PWWP2A: variants seen among roughly 807,000 people sequenced by gnomAD.
PWWP2A encodes the protein PWWP domain-containing protein 2A.
A neutral mutation model predicts 48.5 loss-of-function variants in PWWP2A; 18 were observed. The ratio of observed to expected loss-of-function variants is 0.37; its 90% confidence interval spans 0.26 to 0.55. The LOEUF (loss-of-function observed/expected upper bound fraction) is 0.55. Ranked by LOEUF, PWWP2A falls within the 20% of genes least tolerant of loss-of-function variation. The pLI is 0.81. For synonymous variants in PWWP2A, 396 were observed against 387.7 expected, an observed-to-expected ratio of 1.02 and a Z score of -0.25; for missense variants, 867 against 976.4, an observed-to-expected ratio of 0.89 and a Z score of 1.49.
At chr5:160,048,163 G>T in the PWWP2A span, among the ~76,000 whole-genome samples, 1 of 61,750 alleles carries the variant, frequency 1.6e-5, no homozygotes, top group African/African-American at 6.3e-5. Flanking sequence ...TTTTTTTTTT[G>T]GGACAGAGTA....
intron 1 of PWWP2A, chr5:160,117,928 G>C: frequency 2.1e-6 from 2 of 961,556 alleles, no homozygotes; most frequent in Non-Finnish European, 2.5e-6. Flanking sequence ...CTTCATATCT[G>C]CAAAAGAAGA....
At chr5:160,050,627 C>CT in the PWWP2A span, among the ~76,000 whole-genome samples, 10,159 of 109,362 alleles carry the variant, frequency 0.093, 566 homozygotes, top group Admixed American at 0.19. Context: ...CCAAACAAAA[C>CT]TTTTTTTTTT....
At chr5:160,061,446 T>C (rs1214580503), downstream of PWWP2A, among the ~76,000 whole-genome samples, 1 of 152,238 alleles carries the variant, frequency 6.6e-6, no homozygotes, top group Non-Finnish European at 1.5e-5. Context: ...TTTTGGTGTA[T>C]AGACCATGTC....
chr5:160,045,501 CACACACACACACAT>C, the PWWP2A span, among the ~76,000 whole-genome samples: 76 of 108,602 alleles, frequency 7.0e-4, no homozygotes, highest in Middle Eastern at 5.1e-3. Flanking sequence ...CACACACACA[CACACACACACACAT>C]ACACACTCTC....
exon 6 of PWWP2A, chr5:160,062,034 G>A (rs1022153702): frequency 6.6e-6 from 1 of 152,314 alleles, no homozygotes; most frequent in African/African-American, 2.4e-5. Flanking sequence ...AGCAGCAGGT[G>A]GGAAGGGTGG....
intron 2 of PWWP2A, among the ~76,000 whole-genome samples, chr5:160,069,705 A>G (rs778553421): frequency 4.6e-5 from 7 of 152,234 alleles, no homozygotes; most frequent in Non-Finnish European, 1.0e-4. Context: ...CTCTATAAAA[A>G]TAAATACATA....
chr5:160,118,483 C>T (rs59708178), intron 1 of PWWP2A, among the ~76,000 whole-genome samples: 6 of 140,476 alleles, frequency 4.3e-5, no homozygotes, highest in Middle Eastern at 3.6e-3. Context: ...CTTGCATTAA[C>T]CCACCCGCCC....
At position 160,093,061 on chromosome 5, in the gene PWWP2A, G is replaced by A. The variant is rs1755243021; in HGVS notation, c.1589C>T (p.Pro530Leu). 1 of 1,612,326 alleles carries A rather than the reference G, an allele frequency of 6.2e-7. No homozygotes were observed. Among genetic ancestry groups the A allele is most frequent in the African/African-American group, 1.3e-5 (1 of 74,878 alleles). ...CTGAACCTCACTGCTGGCCTCTTCA[G>A]GGCCTTTTGAGGGACTCTGATTTTC... is the stretch of plus-strand genomic sequence containing the variant. ...PSENQSPSKG[P>L]EEASSEVQDT... Residue 530 changes from proline (P) to leucine (L), a missense_variant, in exon 2 of 2, where the codon CCT becomes CTT. This residue lies in a region of PWWP2A where 382 missense variants were observed against 407.2 expected (regional missense o/e 0.94). Coordinates refer to ENST00000307063, the MANE Select transcript of PWWP2A (RefSeq NM_001130864.2). This position sits in a 1 kb window ranked among gnomAD's most constrained non-coding sequence, Gnocchi z 5.8.
the PWWP2A span, among the ~76,000 whole-genome samples, chr5:160,053,017 A>G: frequency 6.6e-6 from 1 of 152,188 alleles, no homozygotes; most frequent in Non-Finnish European, 1.5e-5. Flanking sequence ...ATACTGCTCT[A>G]GGTGTTACCC....
intron 1 of PWWP2A, among the ~76,000 whole-genome samples, chr5:160,099,682 T>A (rs1159584644): frequency 6.6e-6 from 1 of 151,166 alleles, no homozygotes; most frequent in Non-Finnish European, 1.5e-5. Flanking sequence ...AAAAAAATTT[T>A]TTTTTTTTTT....
Position 160,092,600 on chromosome 5 carries a change from C to T in PWWP2A, c.2050G>A (p.Gly684Ser), listed in dbSNP as rs1581196436. 1.3e-6 allele frequency: 2 copies of T among 1,551,618 alleles called. No homozygotes were observed. The highest frequency in any genetic ancestry group is 1.7e-6 in the Non-Finnish European group (2 of 1,146,970). Residue 684 changes from glycine to serine, a missense_variant, in exon 2 of 2, where the codon GGC becomes AGC. Coordinates refer to ENST00000307063, the MANE Select transcript of PWWP2A (RefSeq NM_001130864.2). ...CGGGCCTCCTGTCGGACTAAAAGGC[C>T]GTTATCTTTCCGGCTCACAGTTATA... is the stretch of plus-strand genomic sequence containing the variant. The part of the protein sequence containing the change: ...LTITVSRKDN[G>S]LLVRQEARIS...
chr5:160,096,811 G>A (rs1026875588), intron 1 of PWWP2A, among the ~76,000 whole-genome samples: 48 of 152,112 alleles, frequency 3.2e-4, no homozygotes, highest in Admixed American at 1.8e-3. Context: ...CTTTTATTAG[G>A]ACTAACTAAA....
intron 1 of PWWP2A, among the ~76,000 whole-genome samples, chr5:160,103,184 G>A (rs529483801): frequency 9.5e-4 from 145 of 152,268 alleles, no homozygotes; most frequent in African/African-American, 3.4e-3. Flanking sequence ...TCTAGAAAGA[G>A]TTTCCAAGAA....
At chr5:160,054,528 C>T in the PWWP2A span, among the ~76,000 whole-genome samples, 8 of 151,826 alleles carry the variant, frequency 5.3e-5, no homozygotes, top group Non-Finnish European at 5.9e-5. Context: ...GGTGGATTGC[C>T]TTAGTCCAGG....
intron 2 of PWWP2A, among the ~76,000 whole-genome samples, chr5:160,083,721 T>C (rs892180837): frequency 1.3e-5 from 2 of 152,196 alleles, no homozygotes; most frequent in Non-Finnish European, 2.9e-5. Flanking sequence ...CATTAGGACA[T>C]GTCTGAACCA....
chr5:160,110,739 T>C (rs1373259075), intron 1 of PWWP2A, among the ~76,000 whole-genome samples: 1 of 150,842 alleles, frequency 6.6e-6, no homozygotes, highest in Non-Finnish European at 1.5e-5. Context: ...AAAAATAAAG[T>C]TCAACAAAAA....
At chr5:160,115,458 G>A (rs1473755429) in intron 1 of PWWP2A, among the ~76,000 whole-genome samples, 3 of 151,904 alleles carry the variant, frequency 2.0e-5, no homozygotes, top group Non-Finnish European at 2.9e-5. Context: ...TTGAGACGCC[G>A]AGGTAGGCAG....
intron 1 of PWWP2A, chr5:160,105,840 C>T (rs1163124514): frequency 1.9e-5 from 3 of 159,006 alleles, no homozygotes; most frequent in Non-Finnish European, 4.0e-5. Flanking sequence ...AGTCTGAAAT[C>T]CTTTTCAAAT....
Position 160,093,231 on chromosome 5 carries a change from C to T in PWWP2A, c.1419G>A (p.Arg473=). The T allele has an allele frequency of 6.2e-7, 1 of 1,613,882 alleles. No individual in the cohort carries two copies. Among genetic ancestry groups the T allele is most frequent in the African/African-American group, 1.3e-5 (1 of 75,008 alleles). ...TGTACCTCTGTGGTTTTAAACGAAC[C>T]CGGGGTGGAAGGGAACCTGAGCTAG... ...QNPSSGSLPP[R]VRLKPQRYRN... Residue 473 remains arginine, a synonymous_variant, in exon 2 of 2, where the codon CGG becomes CGA. Transcript: ENST00000307063. The surrounding 1 kb of genome is among the most constrained non-coding windows in gnomAD (Gnocchi z 5.8).
Sources: allele counts gnomAD v4.1 joint callset (sites outside exome capture counted in the v4.1 genomes callset), GRCh38; gene constraint gnomAD v4.1.1; regional missense constraint gnomAD v4.1.1; non-coding constraint Gnocchi (gnomAD v3.1); transcripts MANE v1.5; gene names NCBI Gene and HGNC (gene_info 2026-07-23, HGNC 2026-07-21).